The following PDE5A variants were observed in gnomAD, a reference collection of about 807,000 sequenced individuals.
PDE5A encodes the protein phosphodiesterase 5A.
A neutral mutation model predicts 110.2 loss-of-function variants in PDE5A; 67 were observed. The ratio of observed to expected loss-of-function variants is 0.61; its 90% CI spans 0.50 to 0.75. The LOEUF is 0.75. PDE5A is among the 30% of genes least tolerant of loss of function. The pLI is 0.00. For missense variants in PDE5A, 862 were observed against 1,045.1 expected, an observed-to-expected ratio of 0.82 and a Z score of 2.42; for synonymous variants, 328 against 351.2, an observed-to-expected ratio of 0.93 and a Z score of 0.74.
chr4:119,581,798 A>C (rs964470098), intron 3 of PDE5A, among the ~76,000 whole-genome samples: 1 of 152,262 alleles, frequency 6.6e-6, no homozygotes, highest in Non-Finnish European at 1.5e-5. Context: ...CAGAGGATAT[A>C]AAAGTTATTT....
At chr4:119,558,048 C>G (rs915020565) in intron 7 of PDE5A, among the ~76,000 whole-genome samples, 2 of 152,098 alleles carry the variant, frequency 1.3e-5, no homozygotes, top group African/African-American at 4.8e-5. Context: ...ACTAAAATAT[C>G]TACTTCTTAA....
intron 3 of PDE5A, among the ~76,000 whole-genome samples, chr4:119,567,466 C>T (rs1283417152): frequency 6.6e-6 from 1 of 152,058 alleles, no homozygotes; most frequent in African/African-American, 2.4e-5. Context: ...TAAATATAAA[C>T]AACACATTTT....
chr4:119,518,904 T>C (rs564614347), intron 14 of PDE5A, 141 bp downstream of exon 14: 1 of 587,228 alleles, frequency 1.7e-6, no homozygotes, highest in South Asian at 2.5e-5. Flanking sequence ...TTAACCTGCA[T>C]TATTTTTTCC....
chr4:119,514,148 C>T (rs1371909545), intron 14 of PDE5A, among the ~76,000 whole-genome samples: 2 of 152,210 alleles, frequency 1.3e-5, no homozygotes, highest in African/African-American at 4.8e-5. Flanking sequence ...AGCATACTCA[C>T]TTTGCATTTT....
intron 3 of PDE5A, among the ~76,000 whole-genome samples, chr4:119,568,101 T>C (rs1041664758): frequency 2.6e-5 from 4 of 152,158 alleles, no homozygotes; most frequent in African/African-American, 4.8e-5. Context: ...TCTTGTCTTA[T>C]GTAGTTTTCT....
intron 5 of PDE5A, among the ~76,000 whole-genome samples, chr4:119,563,548 C>A (rs188180509): frequency 5.5e-4 from 83 of 151,928 alleles, no homozygotes; most frequent in African/African-American, 1.9e-3. Context: ...TAGCTGAGGT[C>A]TGAAAGATGA....
At chr4:119,537,328 C>A (rs931760737) in intron 11 of PDE5A, among the ~76,000 whole-genome samples, 14 of 151,944 alleles carry the variant, frequency 9.2e-5, no homozygotes, top group African/African-American at 3.1e-4. Context: ...TTACTTTTAC[C>A]TTTTGCAGTT....
At chr4:119,567,541 C>A (rs1284102146) in intron 3 of PDE5A, among the ~76,000 whole-genome samples, 1 of 152,008 alleles carries the variant, frequency 6.6e-6, no homozygotes. Flanking sequence ...ATATAATATT[C>A]CAAAACGGCT....
chr4:119,615,334 A>T (rs901690568), intron 1 of PDE5A, among the ~76,000 whole-genome samples: 2 of 152,214 alleles, frequency 1.3e-5, no homozygotes, highest in Non-Finnish European at 2.9e-5. Flanking sequence ...TCTCTTCAAC[A>T]TATCTAAGAA....
In PDE5A at chr4:119,619,891, T is replaced by G. The variant is rs528281366; in HGVS notation, c.152+8629A>C. ...GGGGTTGAAGCCTAAGGCTGTCCTA[T>G]CTAGGGCCCTTCACCATAAACAGAA... On this transcript the variant is annotated intron_variant, in intron 1 of 20. Coordinates refer to ENST00000354960, the MANE Select transcript of PDE5A (RefSeq NM_001083.4). Among the ~76,000 whole-genome samples, 9 of 152,332 alleles carry G rather than the reference T, an allele frequency of 5.9e-5. No individual in the cohort carries two copies. In the South Asian group the frequency reaches 1.9e-3, roughly 32 times the overall value.
chr4:119,508,233 T>G (rs540414565), intron 15 of PDE5A, among the ~76,000 whole-genome samples: 1 of 152,126 alleles, frequency 6.6e-6, no homozygotes, highest in Admixed American at 6.6e-5. Context: ...CAAAGGGTGC[T>G]TACTGGTCAG....
At chr4:119,597,503 C>T (rs936211524) in intron 2 of PDE5A, among the ~76,000 whole-genome samples, 2 of 151,962 alleles carry the variant, frequency 1.3e-5, no homozygotes, top group African/African-American at 4.8e-5. Flanking sequence ...TCAATAGCTA[C>T]AACAACATGA....
In PDE5A at chr4:119,518,119, T is replaced by C. The variant is rs547801198; in HGVS notation, c.2000+926A>G. Reference sequence around the variant, plus strand: ...ACATGAAGTTTTCCATTTATTTAGATAAGAAGAATGTGATTAGAGAGCTTT... The same window carrying C: ...ACATGAAGTTTTCCATTTATTTAGACAAGAAGAATGTGATTAGAGAGCTTT... On this transcript the variant is annotated intron_variant, in intron 14 of 20. Transcript: ENST00000354960. Among the ~76,000 whole-genome samples, 3 of 152,318 alleles carry C rather than the reference T, an allele frequency of 2.0e-5. No homozygotes were observed. The East Asian group carries it at 5.8e-4, about 29-fold the overall frequency.
intron 11 of PDE5A, among the ~76,000 whole-genome samples, chr4:119,538,452 T>G (rs1726806096): frequency 6.6e-6 from 1 of 152,146 alleles, no homozygotes; most frequent in Admixed American, 6.6e-5. Context: ...ACCTACAACA[T>G]ACATCTACTT....
At chr4:119,589,395 C>T (rs187588996) in intron 3 of PDE5A, among the ~76,000 whole-genome samples, 66 of 152,168 alleles carry the variant, frequency 4.3e-4, no homozygotes, top group African/African-American at 1.4e-3. Flanking sequence ...AGCAATACTT[C>T]AGGGGAGGGC....
intron 10 of PDE5A, among the ~76,000 whole-genome samples, chr4:119,540,201 AG>A (rs1726878711): frequency 6.6e-6 from 1 of 151,926 alleles, no homozygotes. Flanking sequence ...ATTGATGAAA[AG>A]GTAGCTCATT....
In PDE5A at chr4:119,504,593, C is replaced by G. The variant is rs377700448; in HGVS notation, c.2274G>C (p.Met758Ile). Residue 758 changes from methionine to isoleucine, a missense_variant, in exon 18 of 21, where the codon ATG becomes ATC. Transcript: ENST00000354960. ...DPHQKELFLAMLMTACDLSAI... is the reference protein window; with the variant it reads ...DPHQKELFLAILMTACDLSAI... ...CAGAAAGATCACAAGCTGTCATCAG[C>G]ATTGCCCTGTTATGGAAAAAAGAAA... 14 of 1,612,072 alleles carry G rather than the reference C, an allele frequency of 8.7e-6. No homozygotes were observed. In the African/African-American group the frequency reaches 1.5e-4, roughly 17 times the overall value.
chr4:119,596,493 G>C (rs1174925367), intron 3 of PDE5A, 30 bp downstream of exon 3: 1 of 1,213,714 alleles, frequency 8.2e-7, no homozygotes, highest in African/African-American at 1.5e-5. Flanking sequence ...TATTTCCAAT[G>C]ACCTTTTATA....
intron 3 of PDE5A, among the ~76,000 whole-genome samples, chr4:119,574,285 C>T (rs912774602): frequency 6.9e-6 from 1 of 144,156 alleles, no homozygotes; most frequent in African/African-American, 2.6e-5. Flanking sequence ...CGGGTTCAAG[C>T]AATTCTCCTG....
Sources: gnomAD v4.1 joint callset for allele counts (sites outside exome capture counted in the v4.1 genomes callset) on GRCh38, gnomAD v4.1.1 for gene constraint, MANE v1.5 for transcripts, NCBI Gene and HGNC (gene_info 2026-07-23, HGNC 2026-07-21) for gene names.